Variants in OR2T12 observed in about 807,000 individuals in gnomAD.
The protein encoded by OR2T12 is olfactory receptor family 2 subfamily T member 12, also known as olfactory receptor 2T12.
For missense variants in OR2T12, 335 were observed against 404.3 expected (o/e 0.83, Z 1.47); for synonymous variants, 127 against 160.5 (o/e 0.79, Z 1.58).
At chr1:248,303,146 A>G (rs1365244434) in intron 1 of OR2T12, among the ~76,000 whole-genome samples, 200 bp downstream of exon 1, 1 of 152,152 alleles carries the variant, frequency 6.6e-6, no homozygotes, top group Non-Finnish European at 1.5e-5. Flanking sequence ...TTTCACATTG[A>G]TAAGCTGAGG....
intron 2 of OR2T12, among the ~76,000 whole-genome samples, chr1:248,299,488 A>C (rs1221740797): frequency 1.3e-5 from 2 of 152,180 alleles, no homozygotes; most frequent in Admixed American, 6.5e-5. Context: ...AGAGCTAACT[A>C]TCCTAAATAT....
rs529399145 is a variant in OR2T12, at chr1:248,295,865, T to A, written c.-8-279A>T. 1.4e-4 allele frequency among the ~76,000 whole-genome samples: 22 copies of A among 152,322 alleles called. No individual in the cohort carries two copies. The South Asian group carries it at 1.7e-3, about 11-fold the overall frequency. ...TTTTTTTTTAGTTTTGTTATTTTTT[T>A]AATTATACTTTAAGTTTTAGGGTAC... On this transcript the variant is annotated intron_variant, in intron 2 of 2. Transcript: ENST00000641276.
At chr1:248,301,716 T>C (rs1401986820) in intron 1 of OR2T12, among the ~76,000 whole-genome samples, 163 bp from the exon 2 acceptor site, 1 of 152,152 alleles carries the variant, frequency 6.6e-6, no homozygotes, top group East Asian at 1.9e-4. Flanking sequence ...CTAATCTACA[T>C]TGTTTCTGTT....
intron 2 of OR2T12, among the ~76,000 whole-genome samples, chr1:248,299,838 T>G (rs1281285448): frequency 6.6e-6 from 1 of 152,138 alleles, no homozygotes; most frequent in African/African-American, 2.4e-5. Flanking sequence ...AAACTGTCTC[T>G]CAGACCACGG....
chr1:248,299,437 GA>G (rs1272837168), intron 2 of OR2T12, among the ~76,000 whole-genome samples: 1 of 152,006 alleles, frequency 6.6e-6, no homozygotes, highest in Non-Finnish European at 1.5e-5. Flanking sequence ...AAGAGACAAA[GA>G]AGGCCATCAC....
chr1:248,298,937 G>A (rs1659774364), intron 2 of OR2T12, among the ~76,000 whole-genome samples: 1 of 152,094 alleles, frequency 6.6e-6, no homozygotes, highest in South Asian at 2.1e-4. Flanking sequence ...GCCAAACTAA[G>A]CTTCATAAGT....
In OR2T12 at chr1:248,292,797, CTTAA is replaced by C. The variant is rs1178945280; in HGVS notation, c.*1815_*1818del. On this transcript the variant is annotated 3_prime_UTR_variant, in exon 3 of 3. Coordinates refer to ENST00000641276, the MANE Select transcript of OR2T12 (RefSeq NM_001004692.2). ...TTTTAGTTTTCTCCTGAACATTAGG[CTTAA>C]TTTTCTGGTTAGAATATTTTATCCT... 6.6e-6 allele frequency: 1 copy of C among 151,926 alleles called. No individual in the cohort carries two copies. Among genetic ancestry groups the C allele is most frequent in the Non-Finnish European group, 1.5e-5 (1 of 67,928 alleles). 9.4% of individuals were successfully genotyped at this position (151,926 alleles called of 1,614,324 possible).
rs148165348 is a variant in OR2T12, at chr1:248,295,777, T to C, written c.-8-191A>G. Among the ~76,000 whole-genome samples the C allele has an allele frequency of 2.1e-4, 32 of 152,324 alleles. No individual in the cohort carries two copies. The East Asian group carries it at 5.6e-3, about 27-fold the overall frequency. ...ACTTCTCTATAGCTCAACTTTTTAA[T>C]GTTCTAACTGAGATCATGTACTACA... On this transcript the variant is annotated intron_variant, in intron 2 of 2. Transcript: ENST00000641276.
intron 1 of OR2T12, among the ~76,000 whole-genome samples, chr1:248,301,835 C>A (rs1361794371): frequency 6.6e-6 from 1 of 151,982 alleles, no homozygotes; most frequent in Non-Finnish European, 1.5e-5. Context: ...CATCAGATTT[C>A]ATTACACTGT....
intron 2 of OR2T12, among the ~76,000 whole-genome samples, chr1:248,297,985 G>C (rs572455523): frequency 0.013 from 1,923 of 151,024 alleles, 24 homozygotes; most frequent in African/African-American, 0.029. Context: ...TTGGCTGTGG[G>C]TTTGTCATAG....
chr1:248,297,264 G>C (rs1027114984), intron 2 of OR2T12, among the ~76,000 whole-genome samples: 1 of 152,058 alleles, frequency 6.6e-6, no homozygotes, highest in East Asian at 1.9e-4. Flanking sequence ...TAGCCTTGTA[G>C]TATAGTTTGA....
At position 248,295,055 on chromosome 1, in the gene OR2T12, A is replaced by C; in HGVS notation, c.524T>G (p.Phe175Cys). 1 of 1,609,338 alleles carries C rather than the reference A, an allele frequency of 6.2e-7. No individual in the cohort carries two copies. The highest frequency in any genetic ancestry group is 8.5e-7 in the Non-Finnish European group (1 of 1,179,358). The change falls in exon 3 of 3, where the codon TTC becomes TGC. Residue 175 changes from phenylalanine to cysteine, a missense_variant. Coordinates refer to ENST00000641276, the MANE Select transcript of OR2T12 (RefSeq NM_001004692.2). ...PYCGAHEIDH[F>C]FCEAPVLVRL... Reference sequence around the variant, plus strand: ...CACCAACACGGGGGCCTCGCAGAAGAAGTGATCGATCTCGTGTGCACCGCA... The same window carrying C: ...CACCAACACGGGGGCCTCGCAGAAGCAGTGATCGATCTCGTGTGCACCGCA...
chr1:248,295,519 T>C lies in OR2T12; in HGVS notation c.60A>G (p.Arg20=). The change falls in exon 3 of 3, where the codon AGA becomes AGG. Residue 20 remains arginine (R), a synonymous_variant. Coordinates refer to ENST00000641276, the MANE Select transcript of OR2T12 (RefSeq NM_001004692.2). The part of the protein sequence containing the change: ...FILLGLFNHT[R]AHQVLFMMLL... Reference sequence around the variant, plus strand: ...GCATCATGAAGAGGACTTGGTGGGCTCTGGTGTGGTTAAAGAGTCCTAGGA... The same window carrying C: ...GCATCATGAAGAGGACTTGGTGGGCCCTGGTGTGGTTAAAGAGTCCTAGGA... 4.3e-6 allele frequency: 7 copies of C among 1,613,302 alleles called. No homozygotes were observed. Among genetic ancestry groups the C allele is most frequent in the Non-Finnish European group, 4.2e-6 (5 of 1,179,690 alleles).
At position 248,290,736 on chromosome 1, in the gene OR2T12, C is replaced by CT. The variant is rs1234854736; in HGVS notation, c.*3879dup. The CT allele has an allele frequency of 2.0e-5, 3 of 152,028 alleles. No homozygotes were observed. Among genetic ancestry groups the CT allele is most frequent in the Admixed American group, 1.3e-4 (2 of 15,256 alleles). The allele number at this position is 152,028 out of a possible 1,614,324, so 9.4% of individuals were successfully genotyped here. On this transcript the variant is annotated 3_prime_UTR_variant, in exon 3 of 3. Coordinates refer to ENST00000641276, the MANE Select transcript of OR2T12 (RefSeq NM_001004692.2). Reference sequence around the variant, plus strand: ...CGTGCCAGCGTCTGTTGTTTCCTGACTTTTTTTACTTTATTTTATTATACT... The same window carrying CT: ...CGTGCCAGCGTCTGTTGTTTCCTGACTTTTTTTTACTTTATTTTATTATACT...
chr1:248,295,207 G>A lies in OR2T12; in HGVS notation c.372C>T (p.Val124=), dbSNP rs1324428851. Residue 124 remains valine (V), a synonymous_variant, in exon 3 of 3, where the codon GTC becomes GTT. Transcript: ENST00000641276. The part of the protein sequence containing the change: ...AAMAYDRYAA[V]CHPLRYPTLM... ...GAGTGGGATATCGGAGTGGGTGGCA[G>A]ACAGCCGCATAGCGGTCATAGGCCA... is the stretch of plus-strand genomic sequence containing the variant. The A allele has an allele frequency of 6.2e-7, 1 of 1,609,848 alleles. No homozygotes were observed. Among genetic ancestry groups the A allele is most frequent in the East Asian group, 2.2e-5 (1 of 44,864 alleles).
At position 248,294,155 on chromosome 1, in the gene OR2T12, C is replaced by A; in HGVS notation, c.*461G>T. The A allele has an allele frequency of 6.4e-6, 1 of 156,738 alleles. No homozygotes were observed. Among genetic ancestry groups the A allele is most frequent in the Non-Finnish European group, 1.4e-5 (1 of 70,650 alleles). 9.7% of individuals were successfully genotyped at this position (156,738 alleles called of 1,614,324 possible). ...GGTTAGGGTACAAGCTTTGGAGTCA[C>A]TTTTTAATATTTCTGTTCTATGTGA... On this transcript the variant is annotated 3_prime_UTR_variant, in exon 3 of 3. Transcript: ENST00000641276.
chr1:248,299,866 G>A (rs568481116), intron 2 of OR2T12, among the ~76,000 whole-genome samples: 12 of 152,126 alleles, frequency 7.9e-5, no homozygotes, highest in African/African-American at 2.2e-4. Flanking sequence ...AAACTAGAAC[G>A]CAGGATTAAG....
At position 248,294,698 on chromosome 1, in the gene OR2T12, T is replaced by C. The variant is rs758509330; in HGVS notation, c.881A>G (p.Glu294Gly). 3.8e-5 allele frequency: 62 copies of C among 1,614,046 alleles called. No homozygotes were observed. The highest frequency in any genetic ancestry group is 3.4e-5 in the Non-Finnish European group (40 of 1,180,050). ...CCACCGTTTCAGGGCTTCCTTGACC[T>C]CACTGTTCCTCACACTGTAGATGAG... The part of the protein sequence containing the change: ...NPLIYSVRNS[E>G]VKEALKRWLG... Residue 294 changes from glutamate (E) to glycine (G), a missense_variant, in exon 3 of 3, where the codon GAG (glutamate) becomes GGG (glycine). By Grantham distance (98) the Glu-to-Gly change is moderately conservative. Coordinates refer to ENST00000641276, the MANE Select transcript of OR2T12 (RefSeq NM_001004692.2).
intron 1 of OR2T12, among the ~76,000 whole-genome samples, chr1:248,302,514 C>A (rs1659824294): frequency 6.6e-6 from 1 of 152,080 alleles, no homozygotes; most frequent in Non-Finnish European, 1.5e-5. Context: ...AAGCATTTTA[C>A]AAAATGTATA....
Sources: allele counts gnomAD v4.1 joint callset (sites outside exome capture counted in the v4.1 genomes callset), GRCh38; gene constraint gnomAD v4.1.1; transcripts MANE v1.5; gene names NCBI Gene and HGNC (gene_info 2026-07-23, HGNC 2026-07-21).